Variants in EPHB2 observed in about 807,000 individuals in gnomAD.
The protein encoded by EPHB2 is EPH receptor B2.
EPHB2 carries 18 observed loss-of-function variants against 96.4 expected under a neutral mutation model. That is an observed-to-expected ratio of 0.19 (90% CI 0.13 to 0.28). EPHB2 has a LOEUF of 0.28. EPHB2 is among the 10% of genes least tolerant of loss of function. The pLI is 1.00. For synonymous variants in EPHB2, 506 were observed against 534.1 expected (o/e 0.95, Z 0.72); for missense variants, 989 against 1,355.4 (o/e 0.73, Z 4.25).
In EPHB2 at chr1:22,913,170, G is replaced by T. The variant is rs1314120543; in HGVS notation, c.2853-292G>T. 1.3e-5 allele frequency: 6 copies of T among 469,666 alleles called. No homozygotes were observed. The highest frequency in any genetic ancestry group is 2.4e-5 in the Non-Finnish European group (6 of 254,254). 29.1% of individuals were successfully genotyped at this position (469,666 alleles called of 1,614,324 possible). A position where few individuals can be genotyped will look rare whatever the true frequency, so the allele number is the denominator to read the frequency against. On this transcript the variant is annotated intron_variant, in intron 15 of 15. Transcript: ENST00000374630. This position sits in a 1 kb window ranked among gnomAD's most constrained non-coding sequence, Gnocchi z 4.1. ...ATCACGCCACTGCACACCAGCCTGG[G>T]TGACAGAGCGAGACTCTGTCTCGAA...
chr1:22,742,169 A>G (rs1643912244), intron 1 of EPHB2, among the ~76,000 whole-genome samples: 1 of 152,104 alleles, frequency 6.6e-6, no homozygotes, highest in South Asian at 2.1e-4. Context: ...ATGAGCCCAG[A>G]GGCTGTGTTG....
At chr1:22,873,499 C>A (rs1371248750) in intron 5 of EPHB2, among the ~76,000 whole-genome samples, 1 of 152,102 alleles carries the variant, frequency 6.6e-6, no homozygotes, top group African/African-American at 2.4e-5. Flanking sequence ...AGACACGTGG[C>A]CAAGCGAGAG....
intron 3 of EPHB2, among the ~76,000 whole-genome samples, chr1:22,789,606 C>G (rs542927822): frequency 6.6e-6 from 1 of 152,252 alleles, no homozygotes; most frequent in Non-Finnish European, 1.5e-5. Context: ...AACAAATATG[C>G]GTTGCATACC....
intron 7 of EPHB2, 54 bp from the exon 8 acceptor site, chr1:22,895,418 G>T: frequency 2.6e-6 from 4 of 1,547,794 alleles, no homozygotes; most frequent in Non-Finnish European, 3.6e-6. Context: ...GGGGACAAGG[G>T]TATTACGACT....
chr1:22,842,430 A>G (rs1570370825), intron 3 of EPHB2, among the ~76,000 whole-genome samples: 1 of 151,306 alleles, frequency 6.6e-6, no homozygotes, highest in African/African-American at 2.4e-5. Flanking sequence ...GCCCCTTTCC[A>G]CCCCTCACTG....
At position 22,854,106 on chromosome 1, in the gene EPHB2, G is replaced by A. The variant is rs1023441308; in HGVS notation, c.812-8931G>A. Among the ~76,000 whole-genome samples the A allele has an allele frequency of 3.9e-5, 6 of 152,314 alleles. No homozygotes were observed. The South Asian group carries it at 6.2e-4, about 16-fold the overall frequency. ...GCACTTGCTGGACTTAAGCTGTCTT[G>A]TCTAGGAAGGGGGAAGATGGAGGAA... On this transcript the variant is annotated intron_variant, in intron 3 of 15. Transcript: ENST00000374630.
intron 6 of EPHB2, among the ~76,000 whole-genome samples, chr1:22,885,493 C>T (rs1188182057): frequency 6.6e-6 from 1 of 152,262 alleles, no homozygotes. Context: ...CATCTGCTCA[C>T]ATTTCATGAG....
At chr1:22,847,888 C>T (rs182211113) in intron 3 of EPHB2, among the ~76,000 whole-genome samples, 1 of 152,270 alleles carries the variant, frequency 6.6e-6, no homozygotes, top group East Asian at 1.9e-4. Context: ...CTGACAGACT[C>T]CTACTCATCC....
At chr1:22,781,352 G>A in intron 1 of EPHB2, 69 bp from the exon 2 acceptor site, 1 of 1,454,600 alleles carries the variant, frequency 6.9e-7, no homozygotes, top group Non-Finnish European at 9.6e-7. Context: ...AGAAGGATGA[G>A]GGCCCAACAG....
intron 3 of EPHB2, among the ~76,000 whole-genome samples, chr1:22,856,437 C>T (rs1645700029): frequency 6.6e-6 from 1 of 152,146 alleles, no homozygotes; most frequent in Non-Finnish European, 1.5e-5. Flanking sequence ...CTGGCTGCTT[C>T]GAGCCCTGAG....
chr1:22,750,047 G>C (rs1405721347), intron 1 of EPHB2, among the ~76,000 whole-genome samples: 2 of 152,136 alleles, frequency 1.3e-5, no homozygotes, highest in Admixed American at 1.3e-4. Context: ...AGCCCCCAAG[G>C]CCCCCTGAAG....
intron 3 of EPHB2, among the ~76,000 whole-genome samples, chr1:22,845,662 G>T (rs544556482): frequency 2.6e-5 from 4 of 152,220 alleles, no homozygotes; most frequent in African/African-American, 9.6e-5. Flanking sequence ...TGGTCTGTAA[G>T]ATTAGAGGTT....
At chr1:22,785,857 C>T (rs373069612) in intron 3 of EPHB2, among the ~76,000 whole-genome samples, 1 of 152,212 alleles carries the variant, frequency 6.6e-6, no homozygotes, top group Non-Finnish European at 1.5e-5. Flanking sequence ...ATTTAATCCT[C>T]ACAAGGACCC....
At chr1:22,829,562 C>T (rs1645273617) in intron 3 of EPHB2, among the ~76,000 whole-genome samples, 1 of 152,234 alleles carries the variant, frequency 6.6e-6, no homozygotes, top group Admixed American at 6.5e-5. Flanking sequence ...AACACCCTTC[C>T]CCCATCCATC....
chr1:22,884,719 C>T (rs1372046542), intron 6 of EPHB2, among the ~76,000 whole-genome samples: 1 of 151,892 alleles, frequency 6.6e-6, no homozygotes, highest in Non-Finnish European at 1.5e-5. Flanking sequence ...GCTCCTATCC[C>T]TACATTCTCC....
chr1:22,745,277 G>T (rs141918815), intron 1 of EPHB2, among the ~76,000 whole-genome samples: 2 of 152,322 alleles, frequency 1.3e-5, no homozygotes, highest in Non-Finnish European at 1.5e-5. Flanking sequence ...ACAACAAGCT[G>T]CTGATAACAC....
Position 22,790,306 on chromosome 1 carries a change from G to A in EPHB2, c.811+5230G>A, listed in dbSNP as rs1373192283. ...TTTATTCACCTGTTCATTTTTTATCGCATGCCTAATCGGGGTCTACACTGG... is the reference window on the plus strand; with the variant it reads ...TTTATTCACCTGTTCATTTTTTATCACATGCCTAATCGGGGTCTACACTGG... On this transcript the variant is annotated intron_variant, in intron 3 of 15. Transcript: ENST00000374630. The surrounding 1 kb of genome is among the most constrained non-coding windows in gnomAD (Gnocchi z 4.0). Among the ~76,000 whole-genome samples the A allele has an allele frequency of 3.3e-5, 5 of 151,882 alleles. No individual in the cohort carries two copies. In the South Asian group the frequency reaches 6.2e-4, roughly 19 times the overall value.
intron 1 of EPHB2, among the ~76,000 whole-genome samples, chr1:22,717,693 C>T (rs774912230): frequency 3.3e-5 from 5 of 152,196 alleles, no homozygotes; most frequent in African/African-American, 4.8e-5. Flanking sequence ...TTATTAGTTT[C>T]CGTAACCATT....
intron 9 of EPHB2, among the ~76,000 whole-genome samples, chr1:22,903,165 A>C (rs949153983): frequency 2.6e-5 from 4 of 152,228 alleles, no homozygotes; most frequent in African/African-American, 9.6e-5. Flanking sequence ...TGGCCACAGC[A>C]TGACGATGGC....
Sources: gnomAD v4.1 joint callset for allele counts (sites outside exome capture counted in the v4.1 genomes callset) on GRCh38, gnomAD v4.1.1 for gene constraint, Gnocchi (gnomAD v3.1) non-coding constraint, MANE v1.5 for transcripts, NCBI Gene and HGNC (gene_info 2026-07-23, HGNC 2026-07-21) for gene names.